Variants in CTNNBL1 observed in about 807,000 individuals in gnomAD.
CTNNBL1 encodes the protein catenin beta like 1, also known as beta-catenin-like protein 1.
A neutral mutation model predicts 72.7 loss-of-function variants in CTNNBL1; 31 were observed. That is an observed-to-expected ratio of 0.43 (90% CI 0.32 to 0.58). The LOEUF (loss-of-function observed/expected upper bound fraction) is 0.58, where lower values mean the gene tolerates loss of function less well. CTNNBL1 is among the 20% of genes least tolerant of loss of function. CTNNBL1 has a pLI of 0.08. For synonymous variants in CTNNBL1, 240 were observed against 267.3 expected, an observed-to-expected ratio of 0.90 and a Z score of 1.00; for missense variants, 534 against 725.1, an observed-to-expected ratio of 0.74 and a Z score of 3.03.
chr20:37,729,883 G>A (rs2073115439), intron 1 of CTNNBL1, among the ~76,000 whole-genome samples: 1 of 152,000 alleles, frequency 6.6e-6, no homozygotes, highest in African/African-American at 2.4e-5. Context: ...TTCTTTTTTA[G>A]GGTAGAGCAG....
intron 7 of CTNNBL1, 129 bp downstream of exon 7, chr20:37,768,173 G>A: frequency 1.5e-6 from 1 of 664,718 alleles, no homozygotes; most frequent in South Asian, 2.2e-5. Flanking sequence ...GGTACCTCTT[G>A]CTTCTTTCTT....
chr20:37,716,608 A>G (rs1342347234), intron 1 of CTNNBL1, among the ~76,000 whole-genome samples: 3 of 152,196 alleles, frequency 2.0e-5, no homozygotes, highest in Admixed American at 1.3e-4. Context: ...TGCATCTTAC[A>G]CAAAAGCAGA....
At chr20:37,774,641 A>G (rs768120357) in intron 7 of CTNNBL1, among the ~76,000 whole-genome samples, 1 of 152,236 alleles carries the variant, frequency 6.6e-6, no homozygotes, top group Non-Finnish European at 1.5e-5. Context: ...CTGTGGAACC[A>G]AGAATTCTCA....
rs1353545375 is a variant in CTNNBL1 at position 37,718,498 on chromosome 20, G to A, written c.31-14381G>A. Among the ~76,000 whole-genome samples, 127 of 144,024 alleles carry A rather than the reference G, an allele frequency of 8.8e-4. 2 individuals carry two copies. Among genetic ancestry groups the A allele is most frequent in the Admixed American group, 6.4e-3 (92 of 14,412 alleles). The allele number at this position is 144,024 out of a possible 152,430, so 94.5% of individuals were successfully genotyped here. A position where few individuals can be genotyped will look rare whatever the true frequency, so the allele number is the denominator to read the frequency against. The stretch of plus-strand genomic sequence containing the variant: ...ACCTCCCTCCCAGACGGGGCGGCTG[G>A]CCGGGCAGAGGGGCTCCTCACTTCC... On this transcript the variant is annotated intron_variant, in intron 1 of 15. Coordinates refer to ENST00000361383, the MANE Select transcript of CTNNBL1 (RefSeq NM_030877.5).
intron 5 of CTNNBL1, 49 bp from the exon 6 acceptor site, chr20:37,765,148 G>C: frequency 7.7e-7 from 1 of 1,294,082 alleles, no homozygotes; most frequent in Non-Finnish European, 1.1e-6. Context: ...AACATTTTGG[G>C]GACCATTTTA....
At chr20:37,849,221 C>T (rs550736883) in intron 13 of CTNNBL1, among the ~76,000 whole-genome samples, 3 of 152,280 alleles carry the variant, frequency 2.0e-5, no homozygotes, top group East Asian at 3.9e-4. Context: ...TAGGTTTGGG[C>T]CCTCCAGTTC....
rs190886850 is a variant in CTNNBL1, at chr20:37,802,787, G to A, written c.1032-80G>A. 8.4e-5 allele frequency: 98 copies of A among 1,162,886 alleles called. No individual in the cohort carries two copies. In the African/African-American group the frequency reaches 1.3e-3, roughly 15 times the overall value. The allele number at this position is 1,162,886 out of a possible 1,614,324, so 72.0% of individuals were successfully genotyped here. A position where few individuals can be genotyped will look rare whatever the true frequency, so the allele number is the denominator to read the frequency against. ...TTCCATTTAGATGTATAATGTGTAC[G>A]GCAGCAAATACCCTTTTTTTTTTTT... On this transcript the variant is annotated intron_variant, in intron 10 of 15. Transcript: ENST00000361383.
intron 11 of CTNNBL1, among the ~76,000 whole-genome samples, chr20:37,813,269 A>T (rs1195404402): frequency 2.0e-5 from 3 of 152,204 alleles, no homozygotes; most frequent in Non-Finnish European, 4.4e-5. Flanking sequence ...ACCTGGAAGG[A>T]CCTGTAGAGC....
intron 11 of CTNNBL1, among the ~76,000 whole-genome samples, chr20:37,804,307 A>C (rs1269700204): frequency 1.3e-5 from 2 of 152,174 alleles, no homozygotes; most frequent in East Asian, 3.8e-4. Context: ...AACTTTTCAG[A>C]CAGTCAACAT....
chr20:37,799,660 T>G (rs1029016030), intron 10 of CTNNBL1, among the ~76,000 whole-genome samples: 1 of 152,224 alleles, frequency 6.6e-6, no homozygotes, highest in Admixed American at 6.5e-5. Flanking sequence ...CTTCTTACAT[T>G]GCTTAAAGAC....
At chr20:37,844,488 G>C (rs1279325424) in intron 13 of CTNNBL1, among the ~76,000 whole-genome samples, 1 of 152,192 alleles carries the variant, frequency 6.6e-6, no homozygotes, top group Admixed American at 6.5e-5. Flanking sequence ...GTGACTGACT[G>C]GTCTTCTAGA....
At chr20:37,776,852 T>G (rs1160053138) in intron 7 of CTNNBL1, among the ~76,000 whole-genome samples, 1 of 152,220 alleles carries the variant, frequency 6.6e-6, no homozygotes, top group Non-Finnish European at 1.5e-5. Flanking sequence ...TCAAATTAAA[T>G]TTTAAGCATT....
At chr20:37,831,296 A>G (rs2072207267) in intron 11 of CTNNBL1, among the ~76,000 whole-genome samples, 1 of 152,142 alleles carries the variant, frequency 6.6e-6, no homozygotes. Flanking sequence ...ATATGCGCTG[A>G]GTATTTTCCA....
chr20:37,779,149 C>T lies in CTNNBL1; in HGVS notation c.883-38C>T, dbSNP rs772039319. On this transcript the variant is annotated intron_variant, in intron 9 of 15. Coordinates refer to ENST00000361383, the MANE Select transcript of CTNNBL1 (RefSeq NM_030877.5). ...ATGGAGGCTCATGAAAAGACATTCTCTTATAGCTCTGTGCTTTGTGCTGTT... is the reference window on the plus strand; with the variant it reads ...ATGGAGGCTCATGAAAAGACATTCTTTTATAGCTCTGTGCTTTGTGCTGTT... 2.5e-6 allele frequency: 4 copies of T among 1,606,120 alleles called. No homozygotes were observed. In the South Asian group the frequency reaches 4.4e-5, roughly 18 times the overall value.
At chr20:37,761,158 G>A (rs543846240) in intron 5 of CTNNBL1, among the ~76,000 whole-genome samples, 2 of 152,322 alleles carry the variant, frequency 1.3e-5, no homozygotes, top group African/African-American at 4.8e-5. Flanking sequence ...CTGAAAGGGG[G>A]CTTTAATATG....
intron 1 of CTNNBL1, among the ~76,000 whole-genome samples, chr20:37,696,585 G>A (rs1020924885): frequency 9.1e-5 from 13 of 142,826 alleles, no homozygotes; most frequent in African/African-American, 1.6e-4. Context: ...CTGGGATTAC[G>A]GGCATGCGCC....
At chr20:37,860,217 G>A (rs1016987632) in intron 14 of CTNNBL1, 55 bp from the exon 15 acceptor site, 36 of 1,521,778 alleles carry the variant, frequency 2.4e-5, no homozygotes, top group Middle Eastern at 1.7e-4. Context: ...ATACATTCTG[G>A]TGTGTCAGGA....
chr20:37,848,020 G>A, intron 13 of CTNNBL1: 1 of 152,490 alleles, frequency 6.6e-6, no homozygotes, highest in East Asian at 1.9e-4. Flanking sequence ...AACACTGGGT[G>A]AGATGGTAGA....
intron 13 of CTNNBL1, among the ~76,000 whole-genome samples, chr20:37,843,118 A>C (rs1014274127): frequency 1.3e-5 from 2 of 152,146 alleles, no homozygotes; most frequent in African/African-American, 2.4e-5. Flanking sequence ...TTCCTTAATC[A>C]GGGTAAGTTT....
Sources: allele counts gnomAD v4.1 joint callset (sites outside exome capture counted in the v4.1 genomes callset), GRCh38; gene constraint gnomAD v4.1.1; transcripts MANE v1.5; gene names NCBI Gene and HGNC (gene_info 2026-07-23, HGNC 2026-07-21).